The following ANKS1B variants were observed in gnomAD, a reference collection of about 807,000 sequenced individuals.
The protein encoded by ANKS1B is ankyrin repeat and sterile alpha motif domain-containing protein 1B.
ANKS1B carries 36 observed loss-of-function variants against 148.3 expected under a neutral mutation model. That is an observed-to-expected ratio of 0.24 (90% CI 0.19 to 0.32). The LOEUF is 0.32. Ranked by LOEUF, ANKS1B falls within the 10% of genes least tolerant of loss-of-function variation. The pLI is 1.00. For synonymous variants in ANKS1B, 542 were observed against 560.8 expected, an observed-to-expected ratio of 0.97 and a Z score of 0.47; for missense variants, 1,157 against 1,542.6, an observed-to-expected ratio of 0.75 and a Z score of 4.19.
At chr12:99,877,157 A>G (rs1467039177) in intron 1 of ANKS1B, among the ~76,000 whole-genome samples, 1 of 152,006 alleles carries the variant, frequency 6.6e-6, no homozygotes, top group East Asian at 1.9e-4. Context: ...AATTGTAGTT[A>G]TAATGACTAA....
chr12:99,786,350 G>A (rs138151689), intron 4 of ANKS1B, among the ~76,000 whole-genome samples: 152 of 152,272 alleles, frequency 1.0e-3, no homozygotes, highest in African/African-American at 3.6e-3. Flanking sequence ...ACCAATGCTA[G>A]ACTAGTGCCT....
At chr12:99,550,732 T>A (rs1372074252) in intron 9 of ANKS1B, among the ~76,000 whole-genome samples, 1 of 152,128 alleles carries the variant, frequency 6.6e-6, no homozygotes, top group Non-Finnish European at 1.5e-5. Flanking sequence ...CACTGAAATG[T>A]TTAAGACACA....
At chr12:99,906,734 G>A (rs1177759484) in intron 1 of ANKS1B, among the ~76,000 whole-genome samples, 2 of 152,172 alleles carry the variant, frequency 1.3e-5, no homozygotes, top group Non-Finnish European at 2.9e-5. Context: ...TGGCACAACT[G>A]CTTTTAAAAA....
At chr12:99,281,632 C>T (rs181839682) in intron 12 of ANKS1B, among the ~76,000 whole-genome samples, 199 of 152,146 alleles carry the variant, frequency 1.3e-3, no homozygotes, top group African/African-American at 4.0e-3. Flanking sequence ...GCTATACAAA[C>T]GCCCATAACT....
chr12:99,722,330 G>A (rs1046123296), intron 8 of ANKS1B, among the ~76,000 whole-genome samples: 1 of 152,182 alleles, frequency 6.6e-6, no homozygotes, highest in African/African-American at 2.4e-5. Context: ...CAAAGAACAG[G>A]CTCACTGTTT....
intron 1 of ANKS1B, among the ~76,000 whole-genome samples, chr12:99,833,224 T>C (rs1022595154): frequency 6.6e-6 from 1 of 152,190 alleles, no homozygotes; most frequent in Non-Finnish European, 1.5e-5. Context: ...CCTCATAATA[T>C]ATTGAAAAGC....
intron 15 of ANKS1B, among the ~76,000 whole-genome samples, chr12:99,109,486 A>G (rs536247379): frequency 6.6e-6 from 1 of 152,312 alleles, no homozygotes; most frequent in East Asian, 1.9e-4. Flanking sequence ...AGCTTGAGGA[A>G]GTTATCTCCT....
intron 9 of ANKS1B, among the ~76,000 whole-genome samples, chr12:99,603,548 C>T (rs148007043): frequency 2.9e-4 from 44 of 152,084 alleles, no homozygotes; most frequent in African/African-American, 1.0e-3. Context: ...ATAACATAGC[C>T]AGTGTTTCCA....
intron 17 of ANKS1B, among the ~76,000 whole-genome samples, chr12:99,008,870 G>T (rs1175571664): frequency 6.6e-6 from 1 of 152,098 alleles, no homozygotes; most frequent in Non-Finnish European, 1.5e-5. Flanking sequence ...ACCCCTAGCA[G>T]AAACTCACTG....
intron 17 of ANKS1B, among the ~76,000 whole-genome samples, chr12:98,894,098 C>G (rs188893038): frequency 7.2e-5 from 11 of 152,180 alleles, no homozygotes; most frequent in Non-Finnish European, 1.5e-5. Flanking sequence ...TCCATGCCCA[C>G]GTCCCCCTCT....
chr12:99,819,729 T>C (rs754080379), intron 2 of ANKS1B, among the ~76,000 whole-genome samples: 2 of 151,474 alleles, frequency 1.3e-5, no homozygotes, highest in African/African-American at 2.4e-5. Flanking sequence ...AAAAATTGAA[T>C]TGAAATATGA....
intron 9 of ANKS1B, among the ~76,000 whole-genome samples, chr12:99,628,408 G>A (rs572946764): frequency 6.6e-6 from 1 of 152,246 alleles, no homozygotes; most frequent in South Asian, 2.1e-4. Context: ...AAAAATTTCT[G>A]TGAAATTTTG....
chr12:99,887,027 G>A (rs1311040423), intron 1 of ANKS1B, among the ~76,000 whole-genome samples: 1 of 152,150 alleles, frequency 6.6e-6, no homozygotes, highest in Admixed American at 6.5e-5. Context: ...AAGCTATCTT[G>A]TATCTTTCAA....
chr12:99,203,696 C>T (rs953295720), intron 14 of ANKS1B, among the ~76,000 whole-genome samples: 2 of 152,152 alleles, frequency 1.3e-5, no homozygotes, highest in Non-Finnish European at 2.9e-5. Context: ...CGTGATCCAC[C>T]CGCCTCAGCC....
intron 14 of ANKS1B, among the ~76,000 whole-genome samples, chr12:99,165,825 GA>G (rs1191240753): frequency 6.6e-6 from 1 of 151,752 alleles, no homozygotes; most frequent in African/African-American, 2.4e-5. Context: ...GACATTATGA[GA>G]AAAGAAAACT....
intron 4 of ANKS1B, among the ~76,000 whole-genome samples, chr12:99,803,779 G>A (rs1380304473): frequency 1.3e-5 from 2 of 152,246 alleles, no homozygotes; most frequent in African/African-American, 2.4e-5. Context: ...ATTCAAAGTC[G>A]TGTTGGACTT....
chr12:99,003,532 T>C (rs1277088281), intron 17 of ANKS1B, among the ~76,000 whole-genome samples: 1 of 152,218 alleles, frequency 6.6e-6, no homozygotes, highest in South Asian at 2.1e-4. Flanking sequence ...TCAGAGCCCA[T>C]GAAGATAATA....
intron 9 of ANKS1B, among the ~76,000 whole-genome samples, chr12:99,634,581 G>GT (rs1269806707): frequency 6.6e-6 from 1 of 152,100 alleles, no homozygotes; most frequent in African/African-American, 2.4e-5. Context: ...ATTAAATGTT[G>GT]TAAAATGCTA....
intron 16 of ANKS1B, among the ~76,000 whole-genome samples, chr12:99,066,894 G>A (rs1293882368): frequency 3.9e-5 from 6 of 152,134 alleles, no homozygotes; most frequent in South Asian, 2.1e-4. Context: ...GACTGTATTC[G>A]TTCATCGTGT....
Sources: gnomAD v4.1 joint callset for allele counts (sites outside exome capture counted in the v4.1 genomes callset) on GRCh38, gnomAD v4.1.1 for gene constraint, MANE v1.5 for transcripts, NCBI Gene and HGNC (gene_info 2026-07-23, HGNC 2026-07-21) for gene names.